Variants in PTPRD observed in about 807,000 individuals in gnomAD.
PTPRD encodes the protein receptor-type tyrosine-protein phosphatase delta.
PTPRD carries 34 observed loss-of-function variants against 214.5 expected under a neutral mutation model. The ratio of observed to expected loss-of-function variants is 0.16; its 90% confidence interval spans 0.12 to 0.21. The LOEUF (loss-of-function observed/expected upper bound fraction) is 0.21. PTPRD is among the 10% of genes least tolerant of loss of function. The probability of loss-of-function intolerance (pLI) is 1.00; values close to 1 mark genes in which losing one functional copy is unlikely to be tolerated. For missense variants in PTPRD, 2,545 were observed against 2,398.7 expected, an observed-to-expected ratio of 1.06 and a Z score of -1.27; for synonymous variants, 1,128 against 845.7, an observed-to-expected ratio of 1.33 and a Z score of -5.79.
intron 2 of PTPRD, among the ~76,000 whole-genome samples, chr9:10,454,041 A>C (rs575392168): frequency 6.6e-6 from 1 of 151,644 alleles, no homozygotes; most frequent in Non-Finnish European, 1.5e-5. Flanking sequence ...ATAATACAAG[A>C]TAGTATCCAC....
chr9:10,546,651 A>G (rs1454908039), intron 2 of PTPRD, among the ~76,000 whole-genome samples: 1 of 152,064 alleles, frequency 6.6e-6, no homozygotes, highest in Non-Finnish European at 1.5e-5. Flanking sequence ...CTAGGAGAGG[A>G]TCCATTTTTA....
chr9:9,950,444 G>GATCAAACTATCTTTTATAC (rs1586923741), intron 4 of PTPRD, among the ~76,000 whole-genome samples: 4 of 96,198 alleles, frequency 4.2e-5, no homozygotes, highest in African/African-American at 7.9e-5. Flanking sequence ...GAAAGTGGAG[G>GATCAAACTATCTTTTATAC]CCGGGCGCGG....
chr9:10,247,217 T>C (rs4741020), intron 3 of PTPRD, among the ~76,000 whole-genome samples: 83,672 of 151,880 alleles, frequency 0.55, 24,706 homozygotes, highest in East Asian at 0.73. Flanking sequence ...GAGACAATAG[T>C]ATCTCAAATT....
At chr9:8,333,080 A>G in intron 43 of PTPRD, among the ~76,000 whole-genome samples, 1 of 152,164 alleles carries the variant, frequency 6.6e-6, no homozygotes. Flanking sequence ...CAGATTCCTG[A>G]CTGATGTTAT....
chr9:10,473,716 G>C (rs2099045581), intron 2 of PTPRD, among the ~76,000 whole-genome samples: 1 of 152,026 alleles, frequency 6.6e-6, no homozygotes, highest in Non-Finnish European at 1.5e-5. Flanking sequence ...AAAGTGTTCA[G>C]TGATCCTAAC....
intron 11 of PTPRD, among the ~76,000 whole-genome samples, chr9:8,974,551 A>G (rs1297030350): frequency 6.6e-6 from 1 of 151,978 alleles, no homozygotes; most frequent in Non-Finnish European, 1.5e-5. Flanking sequence ...TCGAAGGCCA[A>G]GGAGCTATTT....
intron 2 of PTPRD, among the ~76,000 whole-genome samples, chr9:10,479,259 A>G (rs2099081688): frequency 6.6e-6 from 1 of 152,170 alleles, no homozygotes; most frequent in Non-Finnish European, 1.5e-5. Flanking sequence ...ACATGGTACA[A>G]CAAACTAACC....
chr9:10,524,286 T>G (rs1187601555), intron 2 of PTPRD, among the ~76,000 whole-genome samples: 2 of 152,024 alleles, frequency 1.3e-5, no homozygotes, highest in African/African-American at 4.8e-5. Context: ...AGATTTACAT[T>G]TGTTCCGAGG....
At chr9:10,355,565 G>A (rs145669080) in intron 2 of PTPRD, among the ~76,000 whole-genome samples, 4 of 148,818 alleles carry the variant, frequency 2.7e-5, no homozygotes, top group African/African-American at 7.5e-5. Context: ...TGCAACCTCC[G>A]CCTCCTGGGT....
In PTPRD at chr9:8,354,151, T is replaced by C. The variant is rs74492067; in HGVS notation, c.4662-12173A>G. Among the ~76,000 whole-genome samples the C allele has an allele frequency of 4.8e-3, 721 of 151,698 alleles. 6 individuals are homozygous for C. The highest frequency in any genetic ancestry group is 0.016 in the African/African-American group (653 of 41,392). On this transcript the variant is annotated intron_variant, in intron 39 of 45. Coordinates refer to ENST00000381196, the MANE Select transcript of PTPRD (RefSeq NM_002839.4). ...TTATATTTATCCAAAACTTAGAAGTTTAAGATCATTGCTAAGTACTCCTTA... is the reference window on the plus strand; with the variant it reads ...TTATATTTATCCAAAACTTAGAAGTCTAAGATCATTGCTAAGTACTCCTTA...
At chr9:10,097,923 A>T (rs2154209897) in intron 3 of PTPRD, among the ~76,000 whole-genome samples, 1 of 151,906 alleles carries the variant, frequency 6.6e-6, no homozygotes, top group South Asian at 2.1e-4. Flanking sequence ...ACCATTGTGG[A>T]AGTCGGTGTA....
intron 5 of PTPRD, among the ~76,000 whole-genome samples, chr9:9,936,741 C>G (rs201968805): frequency 2.4e-5 from 3 of 127,214 alleles, no homozygotes; most frequent in African/African-American, 8.9e-5. Flanking sequence ...ACCCAAAGGA[C>G]TATAAATCAT....
chr9:8,910,356 C>T (rs1021988436), intron 11 of PTPRD, among the ~76,000 whole-genome samples: 2 of 152,012 alleles, frequency 1.3e-5, no homozygotes, highest in Admixed American at 1.3e-4. Flanking sequence ...AAATTTAATC[C>T]CCAATGTGGC....
intron 2 of PTPRD, among the ~76,000 whole-genome samples, chr9:10,356,416 G>C (rs567528714): frequency 1.3e-4 from 20 of 152,090 alleles, no homozygotes; most frequent in Non-Finnish European, 2.9e-4. Context: ...TGAAAATGCT[G>C]TCCAGTGATA....
chr9:10,486,994 A>T (rs2099137060), intron 2 of PTPRD, among the ~76,000 whole-genome samples: 1 of 152,126 alleles, frequency 6.6e-6, no homozygotes, highest in Non-Finnish European at 1.5e-5. Flanking sequence ...CCAGTGTTGG[A>T]TGCATACATA....
chr9:8,876,431 G>GA (rs754796849), intron 11 of PTPRD, among the ~76,000 whole-genome samples: 23 of 152,194 alleles, frequency 1.5e-4, no homozygotes, highest in Non-Finnish European at 2.8e-4. Flanking sequence ...TTTTCTGTGG[G>GA]AAAAAATGTC....
intron 12 of PTPRD, among the ~76,000 whole-genome samples, chr9:8,651,285 T>G (rs746934220): frequency 6.6e-6 from 1 of 152,078 alleles, no homozygotes; most frequent in Non-Finnish European, 1.5e-5. Flanking sequence ...AGTGAGCTAT[T>G]TGGGGGTACA....
At chr9:9,562,478 C>A (rs369183917) in intron 8 of PTPRD, among the ~76,000 whole-genome samples, 5 of 152,126 alleles carry the variant, frequency 3.3e-5, no homozygotes, top group African/African-American at 9.7e-5. Flanking sequence ...CCTTCAATGG[C>A]TTCTCACTGC....
At chr9:8,726,513 C>T (rs1458893525) in intron 12 of PTPRD, among the ~76,000 whole-genome samples, 1 of 141,614 alleles carries the variant, frequency 7.1e-6, no homozygotes, top group Non-Finnish European at 1.5e-5. Context: ...AGGTGGATCC[C>T]CTGAAGTCAG....
Sources: allele counts gnomAD v4.1 joint callset (sites outside exome capture counted in the v4.1 genomes callset), GRCh38; gene constraint gnomAD v4.1.1; transcripts MANE v1.5; gene names NCBI Gene and HGNC (gene_info 2026-07-23, HGNC 2026-07-21).